The following FRY variants were observed in gnomAD, a reference collection of about 807,000 sequenced individuals.
FRY encodes the protein FRY microtubule binding protein.
In FRY, 128 loss-of-function variants were observed where a neutral mutation model predicts 348.4. The observed-to-expected ratio is 0.37, with a 90% CI of 0.32 to 0.43. The LOEUF is 0.43. Ranked by LOEUF, FRY falls within the 20% of genes least tolerant of loss-of-function variation. The pLI is 1.00. For missense variants in FRY, 2,736 were observed against 3,695.2 expected, an observed-to-expected ratio of 0.74 and a Z score of 6.73; for synonymous variants, 1,370 against 1,374.7, an observed-to-expected ratio of 1.00 and a Z score of 0.08.
At chr13:32,087,654 G>T (rs1593597581) in intron 2 of FRY, among the ~76,000 whole-genome samples, 1 of 152,108 alleles carries the variant, frequency 6.6e-6, no homozygotes, top group Non-Finnish European at 1.5e-5. Flanking sequence ...CTATTTTTAG[G>T]TGTAAAAGAG....
chr13:32,157,465 G>A (rs1396719956), intron 16 of FRY, 60 bp downstream of exon 16: 7 of 1,476,964 alleles, frequency 4.7e-6, no homozygotes, highest in Non-Finnish European at 6.6e-6. Flanking sequence ...CAAGTAGAGA[G>A]TATTCTCATT....
chr13:32,098,584 G>A (rs1035613674), intron 2 of FRY, among the ~76,000 whole-genome samples: 1 of 152,064 alleles, frequency 6.6e-6, no homozygotes, highest in Non-Finnish European at 1.5e-5. Flanking sequence ...GGATGGCTCA[G>A]AGAAGGGCTT....
chr13:32,162,513 T>A (rs1881510404), intron 17 of FRY, among the ~76,000 whole-genome samples: 1 of 152,164 alleles, frequency 6.6e-6, no homozygotes, highest in Non-Finnish European at 1.5e-5. Flanking sequence ...CTCTGTTGAT[T>A]ACCTCTTGCT....
At chr13:32,258,891 T>A (rs528788505) in intron 51 of FRY, among the ~76,000 whole-genome samples, 27 of 152,228 alleles carry the variant, frequency 1.8e-4, no homozygotes, top group African/African-American at 5.8e-4. Flanking sequence ...GTAGAACATT[T>A]GGGGGAGTAT....
intron 2 of FRY, among the ~76,000 whole-genome samples, chr13:32,079,637 T>A (rs1030359405): frequency 1.3e-5 from 2 of 152,186 alleles, no homozygotes; most frequent in African/African-American, 4.8e-5. Context: ...CAGTTGCAGA[T>A]GCTTCTGCTA....
intron 56 of FRY, among the ~76,000 whole-genome samples, chr13:32,275,695 T>G (rs935965451): frequency 6.6e-6 from 1 of 152,132 alleles, no homozygotes; most frequent in Non-Finnish European, 1.5e-5. Flanking sequence ...TCAATCAGTT[T>G]CCCCACCCCC....
intron 11 of FRY, among the ~76,000 whole-genome samples, chr13:32,147,081 A>G (rs1045998663): frequency 1.3e-5 from 2 of 152,184 alleles, no homozygotes; most frequent in Non-Finnish European, 2.9e-5. Flanking sequence ...CCCACCGTTT[A>G]TATGCCTCCT....
At chr13:32,187,710 G>T in intron 28 of FRY, 54 bp downstream of exon 28, 1 of 956,568 alleles carries the variant, frequency 1.0e-6, no homozygotes, top group Admixed American at 1.7e-5. Flanking sequence ...TTCTGCCTCA[G>T]TTGAGTTACT....
intron 54 of FRY, 58 bp downstream of exon 54, chr13:32,265,674 A>G: frequency 1.5e-5 from 22 of 1,509,906 alleles, no homozygotes; most frequent in Non-Finnish European, 1.9e-5. Context: ...ATTATATGGC[A>G]TTCACACTCA....
intron 51 of FRY, among the ~76,000 whole-genome samples, chr13:32,255,132 C>T (rs1344481533): frequency 6.6e-6 from 1 of 152,150 alleles, no homozygotes; most frequent in Non-Finnish European, 1.5e-5. Context: ...CCTGAGAGGC[C>T]GTCTTTTGCC....
chr13:32,168,402 T>C (rs187675592), intron 17 of FRY, among the ~76,000 whole-genome samples: 9 of 152,348 alleles, frequency 5.9e-5, no homozygotes, highest in Admixed American at 3.9e-4. Context: ...GATTTAAATG[T>C]TAATCTCATC....
intron 7 of FRY, among the ~76,000 whole-genome samples, chr13:32,129,653 C>A (rs1447411038): frequency 6.6e-6 from 1 of 152,120 alleles, no homozygotes; most frequent in Non-Finnish European, 1.5e-5. Flanking sequence ...ATGCTAATAA[C>A]CCATTAGGGA....
chr13:32,064,827 T>C (rs1020021253), intron 1 of FRY, among the ~76,000 whole-genome samples: 19 of 152,254 alleles, frequency 1.2e-4, no homozygotes, highest in Non-Finnish European at 1.8e-4. Flanking sequence ...ATGAAAATTC[T>C]TTATTTAATG....
chr13:32,249,397 T>G, intron 48 of FRY, 129 bp from the exon 49 acceptor site: 1 of 959,126 alleles, frequency 1.0e-6, no homozygotes, highest in Non-Finnish European at 1.6e-6. Flanking sequence ...ATGAGCCCAC[T>G]TGTAACACTG....
At chr13:32,117,261 C>A in intron 3 of FRY, 73 bp from the exon 4 acceptor site, 1 of 1,389,812 alleles carries the variant, frequency 7.2e-7, no homozygotes, top group Non-Finnish European at 1.0e-6. Context: ...CTTGGGGTTA[C>A]TTGTGAAATA....
At chr13:32,068,088 G>A (rs1874373975) in intron 1 of FRY, among the ~76,000 whole-genome samples, 2 of 152,074 alleles carry the variant, frequency 1.3e-5, no homozygotes, top group South Asian at 4.1e-4. Context: ...AGGTGACTGT[G>A]ATGTGCTAAA....
At chr13:32,113,563 G>A (rs949909386) in intron 3 of FRY, among the ~76,000 whole-genome samples, 1 of 152,204 alleles carries the variant, frequency 6.6e-6, no homozygotes, top group Non-Finnish European at 1.5e-5. Context: ...GTGATTCTGT[G>A]CACTTCATCT....
intron 14 of FRY, among the ~76,000 whole-genome samples, chr13:32,152,625 TAACTC>T (rs1880866410): frequency 6.6e-6 from 1 of 152,038 alleles, no homozygotes; most frequent in Non-Finnish European, 1.5e-5. Context: ...AAACAAAAAT[TAACTC>T]AAAATGGATC....
chr13:32,192,814 G>C (rs1883429640), intron 28 of FRY, among the ~76,000 whole-genome samples: 1 of 143,522 alleles, frequency 7.0e-6, no homozygotes, highest in South Asian at 2.2e-4. Context: ...CGCCATCTCA[G>C]CTCACTGCAA....
Sources: gnomAD v4.1 joint callset for allele counts (sites outside exome capture counted in the v4.1 genomes callset) on GRCh38, gnomAD v4.1.1 for gene constraint, MANE v1.5 for transcripts, NCBI Gene and HGNC (gene_info 2026-07-23, HGNC 2026-07-21) for gene names.